BLOC1S5: variants seen among roughly 807,000 people sequenced by gnomAD.
The protein encoded by BLOC1S5 is biogenesis of lysosome-related organelles complex 1 subunit 5.
BLOC1S5 carries 27 observed loss-of-function variants against 24.3 expected under a neutral mutation model. The ratio of observed to expected loss-of-function variants is 1.11; its 90% confidence interval spans 0.82 to 1.53. The LOEUF is 1.53. BLOC1S5 is among the 40% of genes most tolerant of loss of function. The pLI is 0.00. For synonymous variants in BLOC1S5, 84 were observed against 74.5 expected (o/e 1.13, Z -0.66); for missense variants, 239 against 229.4 (o/e 1.04, Z -0.27).
chr6:8,047,273 T>C (rs146828814), intron 2 of BLOC1S5, among the ~76,000 whole-genome samples: 54 of 151,056 alleles, frequency 3.6e-4, no homozygotes, highest in African/African-American at 1.2e-3. Flanking sequence ...AGTGGCACAA[T>C]CTTGGCTCAC....
intron 1 of BLOC1S5, among the ~76,000 whole-genome samples, chr6:8,063,805 G>A (rs1169359363): frequency 6.6e-6 from 1 of 152,130 alleles, no homozygotes; most frequent in Non-Finnish European, 1.5e-5. Context: ...TCTTTACAGT[G>A]CTATAGAGCG....
At chr6:8,039,025 A>G (rs1654951825) in intron 3 of BLOC1S5, among the ~76,000 whole-genome samples, 1 of 152,270 alleles carries the variant, frequency 6.6e-6, no homozygotes, top group African/African-American at 2.4e-5. Context: ...TTGAAGCACT[A>G]GCCAAAATAT....
intron 4 of BLOC1S5, among the ~76,000 whole-genome samples, chr6:8,021,539 C>T (rs1762915743): frequency 6.6e-6 from 1 of 152,012 alleles, no homozygotes; most frequent in African/African-American, 2.4e-5. Context: ...GCAGAGGTTG[C>T]AGTGAGCCGA....
chr6:8,043,799 C>T (rs1763776113), intron 2 of BLOC1S5, among the ~76,000 whole-genome samples: 1 of 152,126 alleles, frequency 6.6e-6, no homozygotes, highest in Non-Finnish European at 1.5e-5. Context: ...TGTCCCCACC[C>T]AAGTCTCAAC....
intron 2 of BLOC1S5, among the ~76,000 whole-genome samples, chr6:8,044,911 G>A (rs2113572038): frequency 6.6e-6 from 1 of 152,344 alleles, no homozygotes; most frequent in East Asian, 1.9e-4. Flanking sequence ...TCTGTAGCCT[G>A]ACAATGCAAA....
In BLOC1S5 at chr6:8,041,144, T is replaced by A. The variant is rs1341870357; in HGVS notation, c.320A>T (p.Gln107Leu). The change falls in exon 3 of 5, where the codon CAG (glutamine) becomes CTG (leucine). Residue 107 changes from glutamine to leucine, a missense_variant. By Grantham distance (113) the Gln-to-Leu change is moderately radical. Transcript: ENST00000397457. ...TMRDSLSQVL[Q>L]RLQAANDSVC... ...AAAAAGAATTGCTGACTCACATCTCTGGAGAACCTGGCTGAGGCTGTCCCG... is the reference window on the plus strand; with the variant it reads ...AAAAAGAATTGCTGACTCACATCTCAGGAGAACCTGGCTGAGGCTGTCCCG... The A allele has an allele frequency of 1.3e-6, 2 of 1,585,360 alleles. No homozygotes were observed. The highest frequency in any genetic ancestry group is 8.6e-7 in the Non-Finnish European group (1 of 1,168,774).
At chr6:8,044,981 G>A (rs1763830391) in intron 2 of BLOC1S5, among the ~76,000 whole-genome samples, 1 of 152,222 alleles carries the variant, frequency 6.6e-6, no homozygotes, top group South Asian at 2.1e-4. Flanking sequence ...ATTTGCATAA[G>A]TAACAAGGAG....
chr6:8,052,906 AAAAG>A (rs1191690931), intron 2 of BLOC1S5, among the ~76,000 whole-genome samples: 2 of 150,854 alleles, frequency 1.3e-5, no homozygotes, highest in African/African-American at 5.0e-5. Flanking sequence ...AAAAAAAAAA[AAAAG>A]AAGTGGAGCC....
chr6:8,033,881 C>A (rs1763388887), intron 3 of BLOC1S5, among the ~76,000 whole-genome samples: 1 of 152,212 alleles, frequency 6.6e-6, no homozygotes, highest in South Asian at 2.1e-4. Flanking sequence ...TGAAAAAATG[C>A]TCATCGTCAC....
In BLOC1S5 at chr6:8,015,810, C is replaced by G; in HGVS notation, c.403G>C (p.Val135Leu). 6.2e-7 allele frequency: 1 copy of G among 1,611,002 alleles called. No individual in the cohort carries two copies. Among genetic ancestry groups the G allele is most frequent in the East Asian group, 2.2e-5 (1 of 44,868 alleles). ...AGCATATGCTGTTTCTCACTAGCTA[C>G]TAAGTGGTCACTATGAATCTGAGAA... ...ERKKIHSDHL[V>L]ASEKQHMLQW... Residue 135 changes from valine to leucine, a missense_variant, in exon 5 of 5, where the codon GTA (valine) becomes CTA (leucine). By Grantham distance (32) the Val-to-Leu change is conservative. Coordinates refer to ENST00000397457, the MANE Select transcript of BLOC1S5 (RefSeq NM_201280.3).
intron 3 of BLOC1S5, among the ~76,000 whole-genome samples, chr6:8,031,496 C>T (rs570745493): frequency 1.3e-5 from 2 of 152,108 alleles, no homozygotes; most frequent in East Asian, 3.9e-4. Context: ...AAATACATCC[C>T]ATGCTCATGG....
chr6:8,023,655 T>C (rs1763002373), intron 4 of BLOC1S5, among the ~76,000 whole-genome samples: 1 of 152,228 alleles, frequency 6.6e-6, no homozygotes, highest in Admixed American at 6.5e-5. Flanking sequence ...CTCCCATCTT[T>C]GTTCTGAGAA....
At chr6:8,047,820 T>C (rs774278852) in intron 2 of BLOC1S5, among the ~76,000 whole-genome samples, 2 of 152,234 alleles carry the variant, frequency 1.3e-5, no homozygotes, top group Non-Finnish European at 2.9e-5. Flanking sequence ...ATGGGTTGTA[T>C]ACTCTCAACA....
chr6:8,016,320 C>A (rs551820819), intron 4 of BLOC1S5, among the ~76,000 whole-genome samples: 5 of 142,572 alleles, frequency 3.5e-5, no homozygotes, highest in African/African-American at 1.4e-4. Context: ...AGTGAGACTC[C>A]GTCTCAAAAA....
intron 3 of BLOC1S5, among the ~76,000 whole-genome samples, chr6:8,038,952 AT>A (rs1207424874): frequency 6.6e-6 from 1 of 152,252 alleles, no homozygotes; most frequent in Non-Finnish European, 1.5e-5. Context: ...TGATCCAGCA[AT>A]TCCACAATAC....
intron 3 of BLOC1S5, among the ~76,000 whole-genome samples, chr6:8,031,207 T>C (rs543433285): frequency 4.6e-5 from 7 of 152,296 alleles, no homozygotes; most frequent in Admixed American, 4.6e-4. Context: ...TCACTGATGA[T>C]ATTATCGTAT....
chr6:8,051,184 C>CAAA (rs35217854), intron 2 of BLOC1S5, among the ~76,000 whole-genome samples: 10 of 140,030 alleles, frequency 7.1e-5, no homozygotes, highest in African/African-American at 1.9e-4. Flanking sequence ...GATTCCATCT[C>CAAA]AAAAAAAAAA....
intron 3 of BLOC1S5, chr6:8,027,431 G>A (rs1561857475): frequency 2.2e-6 from 1 of 456,698 alleles, no homozygotes; most frequent in East Asian, 6.9e-5. Context: ...TAATAACAGG[G>A]CTTCAGAAGT....
rs578163813 is a variant in BLOC1S5 at position 8,023,458 on chromosome 6, C to T, written c.384+2909G>A. Among the ~76,000 whole-genome samples the T allele has an allele frequency of 3.9e-5, 6 of 152,220 alleles. No individual in the cohort carries two copies. The East Asian group carries it at 7.7e-4, about 20-fold the overall frequency. On this transcript the variant is annotated intron_variant, in intron 4 of 4. Transcript: ENST00000397457. ...CACAAAAATTAGCCGTGTGTGGTGG[C>T]GTGCGCCTGTAATCCCAGCTACTTA... is the stretch of plus-strand genomic sequence containing the variant.
Sources: gnomAD v4.1 joint callset for allele counts (sites outside exome capture counted in the v4.1 genomes callset) on GRCh38, gnomAD v4.1.1 for gene constraint, MANE v1.5 for transcripts, NCBI Gene and HGNC (gene_info 2026-07-23, HGNC 2026-07-21) for gene names.